SPEF2: variants seen among roughly 807,000 people sequenced by gnomAD.
SPEF2 encodes the protein sperm flagellar and cilia associated 2.
A neutral mutation model predicts 224.6 loss-of-function variants in SPEF2; 187 were observed. The ratio of observed to expected loss-of-function variants is 0.83; its 90% CI spans 0.74 to 0.94. The LOEUF (loss-of-function observed/expected upper bound fraction) is 0.94. SPEF2 is among the 40% of genes least tolerant of loss of function. The pLI is 0.00. For synonymous variants in SPEF2, 715 were observed against 707.3 expected (o/e 1.01, Z -0.17); for missense variants, 2,170 against 2,135.6 (o/e 1.02, Z -0.32).
At chr5:35,718,197 G>C (rs1045203974) in intron 20 of SPEF2, among the ~76,000 whole-genome samples, 1 of 152,190 alleles carries the variant, frequency 6.6e-6, no homozygotes, top group African/African-American at 2.4e-5. Context: ...GGCATGTCAG[G>C]CTTCTGGGTT....
At chr5:35,778,398 A>G (rs967711693) in intron 29 of SPEF2, among the ~76,000 whole-genome samples, 5 of 152,196 alleles carry the variant, frequency 3.3e-5, no homozygotes, top group African/African-American at 1.2e-4. Context: ...TTGCAAAGAC[A>G]AGGAAATTCA....
At chr5:35,711,332 G>A in intron 19 of SPEF2, among the ~76,000 whole-genome samples, 1 of 124,744 alleles carries the variant, frequency 8.0e-6, no homozygotes, top group East Asian at 2.4e-4. Flanking sequence ...TTGTTATTTT[G>A]TTATTTTGTT....
intron 10 of SPEF2, among the ~76,000 whole-genome samples, chr5:35,674,422 A>C (rs1411631449): frequency 6.7e-6 from 1 of 148,454 alleles, no homozygotes; most frequent in Non-Finnish European, 1.5e-5. Context: ...GCATGTGCAC[A>C]ATGTGCATGT....
At chr5:35,635,564 C>T (rs1745718353) in intron 2 of SPEF2, among the ~76,000 whole-genome samples, 1 of 152,102 alleles carries the variant, frequency 6.6e-6, no homozygotes, top group Non-Finnish European at 1.5e-5. Flanking sequence ...TGTAGTAATT[C>T]TCAATCACCA....
chr5:35,641,490 G>T lies in SPEF2; in HGVS notation c.221G>T (p.Gly74Val). ...SRLEPTLNLL[G>V]VQFDQNVAHG... The stretch of plus-strand genomic sequence containing the variant: ...TTGGAGCCAACACTTAACCTTCTGG[G>T]TGTGCAGTTTGATCAGAATGTGGCC... Residue 74 changes from glycine (G) to valine (V), a missense_variant, in exon 3 of 37, where the codon GGT (glycine) becomes GTT (valine). By Grantham distance (109) the Gly-to-Val change is moderately radical. Transcript: ENST00000356031. 6.2e-7 allele frequency: 1 copy of T among 1,613,774 alleles called. No homozygotes were observed. The highest frequency in any genetic ancestry group is 2.2e-5 in the East Asian group (1 of 44,868).
rs60459232 is a variant in SPEF2, at chr5:35,711,610, T to TTCCC, written c.2840-1183_2840-1180dup. Among the ~76,000 whole-genome samples, 1,342 of 136,136 alleles carry TTCCC rather than the reference T, an allele frequency of 9.9e-3. 27 individuals are homozygous for TTCCC. The highest frequency in any genetic ancestry group is 0.034 in the African/African-American group (1,289 of 37,718). 89.3% of individuals were successfully genotyped at this position (136,136 alleles called of 152,430 possible). ...CTCCCTTCTTTCCTTCCTTCCTTAC[T>TTCCC]TCCCTCCCTCCCTCCCTCCCTCGCT... On this transcript the variant is annotated intron_variant, in intron 19 of 36. Transcript: ENST00000356031.
chr5:35,662,631 C>G (rs1172782148), intron 8 of SPEF2, among the ~76,000 whole-genome samples: 1 of 152,194 alleles, frequency 6.6e-6, no homozygotes, highest in Non-Finnish European at 1.5e-5. Context: ...GGTCCAGTTT[C>G]TATCTTCTGC....
At position 35,779,261 on chromosome 5, in the gene SPEF2, A is replaced by T; in HGVS notation, c.4362A>T (p.Pro1454=). ...FPDPPPSIRP[P]PVEKEEDGTL... ...ATCCTCCCCCATCAATACGTCCTCC[A>T]CCTGTAGAAAAGGAAGAAGATGGTA... The change falls in exon 30 of 37, where the codon CCA becomes CCT. Residue 1454 remains proline (P), a synonymous_variant. Transcript: ENST00000356031. 1 of 1,613,974 alleles carries T rather than the reference A, an allele frequency of 6.2e-7. No individual in the cohort carries two copies. Among genetic ancestry groups the T allele is most frequent in the Non-Finnish European group, 8.5e-7 (1 of 1,179,894 alleles).
intron 24 of SPEF2, among the ~76,000 whole-genome samples, chr5:35,757,192 T>C (rs894549556): frequency 3.4e-4 from 51 of 152,222 alleles, no homozygotes; most frequent in African/African-American, 1.2e-3. Flanking sequence ...TTTTGATTGA[T>C]TCTGCCTTTA....
intron 13 of SPEF2, 73 bp downstream of exon 13, chr5:35,694,436 C>T: frequency 1.5e-6 from 2 of 1,309,980 alleles, no homozygotes; most frequent in East Asian, 2.5e-5. Flanking sequence ...TATGTGAGCA[C>T]AAACATGCTT....
intron 20 of SPEF2, among the ~76,000 whole-genome samples, chr5:35,715,569 G>T (rs190151338): frequency 3.6e-4 from 55 of 152,026 alleles, no homozygotes; most frequent in Admixed American, 9.8e-4. Context: ...TCTTCCTCTG[G>T]GTGATTAGAT....
rs1374180719 is a variant in SPEF2 at position 35,667,229 on chromosome 5, A to C, written c.1325A>C (p.Lys442Thr). Residue 442 changes from lysine to threonine, a missense_variant, in exon 9 of 37, where the codon AAA (lysine) becomes ACA (threonine). By Grantham distance (78) the Lys-to-Thr change is moderately conservative. Transcript: ENST00000356031. ...GATCAAATAGTTGATTTGTCCACTA[A>C]AGTGGCAGACTATCGAATGTTGACA... The part of the protein sequence containing the change: ...ILDQIVDLST[K>T]VADYRMLTNN... The C allele has an allele frequency of 6.2e-7, 1 of 1,604,860 alleles. No individual in the cohort carries two copies. The highest frequency in any genetic ancestry group is 8.5e-7 in the Non-Finnish European group (1 of 1,174,830).
rs780200377 is a variant in SPEF2, at chr5:35,646,734, C to G, written c.653C>G (p.Pro218Arg). ...AKIQAAIIQI[P>R]KPASNRTLKA... Reference sequence around the variant, plus strand: ...ATCCAAGCAGCTATTATACAGATTCCTAAACCTGCATCAAATCGTACTTTG... The same window carrying G: ...ATCCAAGCAGCTATTATACAGATTCGTAAACCTGCATCAAATCGTACTTTG... Residue 218 changes from proline to arginine, a missense_variant, in exon 5 of 37, where the codon CCT (proline) becomes CGT (arginine). Pro to Arg is a moderately radical substitution (Grantham distance 103). Transcript: ENST00000356031. 7 of 1,613,830 alleles carry G rather than the reference C, an allele frequency of 4.3e-6. No individual in the cohort carries two copies. Among genetic ancestry groups the G allele is most frequent in the East Asian group, 2.2e-5 (1 of 44,826 alleles).
chr5:35,666,130 A>G (rs988470114), intron 8 of SPEF2, among the ~76,000 whole-genome samples: 3 of 152,294 alleles, frequency 2.0e-5, no homozygotes, highest in East Asian at 1.9e-4. Context: ...ATTGAATTCT[A>G]TATAAAATCT....
At chr5:35,710,311 AC>A in intron 19 of SPEF2, 1 of 942,176 alleles carries the variant, frequency 1.1e-6, no homozygotes, top group South Asian at 4.9e-5. Flanking sequence ...TAATCCCAGC[AC>A]TTTGGGAGGC....
intron 30 of SPEF2, among the ~76,000 whole-genome samples, chr5:35,786,734 G>A (rs1204235934): frequency 6.6e-6 from 1 of 152,098 alleles, no homozygotes; most frequent in Non-Finnish European, 1.5e-5. Context: ...GTCAACTAAT[G>A]TCAAGGTTTT....
intron 30 of SPEF2, chr5:35,791,570 T>C (rs1457368130): frequency 2.0e-5 from 3 of 152,192 alleles, no homozygotes; most frequent in African/African-American, 7.2e-5. Flanking sequence ...CTCCTTGTTC[T>C]AGAAGGTACC....
intron 24 of SPEF2, among the ~76,000 whole-genome samples, chr5:35,759,034 G>GAAAAAAAAAA: frequency 7.8e-6 from 1 of 128,654 alleles, no homozygotes. Flanking sequence ...AAAAGTAAAG[G>GAAAAAAAAAA]AAAGAAAGAA....
chr5:35,720,563 G>A (rs1386720917), intron 20 of SPEF2, among the ~76,000 whole-genome samples: 1 of 152,206 alleles, frequency 6.6e-6, no homozygotes, highest in Non-Finnish European at 1.5e-5. Flanking sequence ...ATAGCAAAAT[G>A]TCCAGGGTAG....
Sources: allele counts gnomAD v4.1 joint callset (sites outside exome capture counted in the v4.1 genomes callset), GRCh38; gene constraint gnomAD v4.1.1; transcripts MANE v1.5; gene names NCBI Gene and HGNC (gene_info 2026-07-23, HGNC 2026-07-21).